The following RPN2 variants were observed in gnomAD, a reference collection of about 807,000 sequenced individuals.
RPN2 encodes ribophorin II.
A neutral mutation model predicts 71.4 loss-of-function variants in RPN2; 29 were observed. The observed-to-expected ratio is 0.41, with a 90% CI of 0.30 to 0.55. RPN2 has a LOEUF of 0.55. RPN2 is among the 20% of genes least tolerant of loss of function. RPN2 has a pLI of 0.35. For missense variants in RPN2, 726 were observed against 774.1 expected, an observed-to-expected ratio of 0.94 and a Z score of 0.74; for synonymous variants, 308 against 305.0, an observed-to-expected ratio of 1.01 and a Z score of -0.10.
chr20:37,198,606 T>G (rs1421261377), intron 3 of RPN2, 114 bp downstream of exon 3: 7 of 1,497,174 alleles, frequency 4.7e-6, no homozygotes, highest in Non-Finnish European at 4.5e-6. Context: ...TTATTGTGAG[T>G]GGGAATTCCA....
intron 2 of RPN2, among the ~76,000 whole-genome samples, chr20:37,188,821 C>T (rs1288000013): frequency 2.0e-5 from 3 of 151,186 alleles, no homozygotes; most frequent in African/African-American, 4.9e-5. Flanking sequence ...GACGGTGTTG[C>T]CATGTTGCCC....
intron 16 of RPN2, among the ~76,000 whole-genome samples, chr20:37,240,812 G>A (rs2068531003): frequency 6.6e-6 from 1 of 152,164 alleles, no homozygotes; most frequent in South Asian, 2.1e-4. Context: ...GCAAGAACAC[G>A]GCCACACGGC....
intron 9 of RPN2, 91 bp downstream of exon 9, chr20:37,213,956 T>G (rs932537238): frequency 2.1e-6 from 2 of 963,232 alleles, no homozygotes; most frequent in African/African-American, 3.2e-5. Flanking sequence ...GTGCATTGAC[T>G]TTTCTCTACA....
At chr20:37,217,313 AAAC>A (rs1214331557) in intron 9 of RPN2, among the ~76,000 whole-genome samples, 35 of 148,240 alleles carry the variant, frequency 2.4e-4, no homozygotes, top group Non-Finnish European at 4.0e-4. Flanking sequence ...TTTTTTTTTG[AAAC>A]AGAGTCTCGC....
intron 2 of RPN2, among the ~76,000 whole-genome samples, chr20:37,190,202 A>G (rs2067111416): frequency 6.6e-6 from 1 of 152,146 alleles, no homozygotes; most frequent in Non-Finnish European, 1.5e-5. Context: ...TTGGAGTTCT[A>G]TAGGAGATTT....
chr20:37,215,738 T>C (rs929525259), intron 9 of RPN2, among the ~76,000 whole-genome samples: 2 of 152,214 alleles, frequency 1.3e-5, no homozygotes, highest in South Asian at 4.1e-4. Context: ...TTCTCCATAT[T>C]CGTACCAATA....
At chr20:37,189,981 A>T (rs1054899479) in intron 2 of RPN2, among the ~76,000 whole-genome samples, 1 of 152,200 alleles carries the variant, frequency 6.6e-6, no homozygotes, top group Non-Finnish European at 1.5e-5. Context: ...AGAGAGAAAG[A>T]GCAAATTGAC....
Position 37,183,455 on chromosome 20 carries a change from T to C in RPN2, c.14-725T>C, listed in dbSNP as rs554382405. Among the ~76,000 whole-genome samples the C allele has an allele frequency of 3.3e-5, 5 of 152,264 alleles. No homozygotes were observed. In the East Asian group the frequency reaches 7.7e-4, roughly 24 times the overall value. On this transcript the variant is annotated intron_variant, in intron 1 of 16. Coordinates refer to ENST00000237530, the MANE Select transcript of RPN2 (RefSeq NM_002951.5). ...CTGGCCTCAAATTCCTGACCTCAGGTGATCCACCTGCCTCGGCCTCCCAAA... is the reference window on the plus strand; with the variant it reads ...CTGGCCTCAAATTCCTGACCTCAGGCGATCCACCTGCCTCGGCCTCCCAAA...
At chr20:37,231,800 G>C (rs909871) in intron 13 of RPN2, among the ~76,000 whole-genome samples, 1 of 151,424 alleles carries the variant, frequency 6.6e-6, no homozygotes, top group Non-Finnish European at 1.5e-5. Context: ...TGAATTATGG[G>C]TGGAAAGATC....
At chr20:37,205,948 C>T (rs962758290) in intron 6 of RPN2, among the ~76,000 whole-genome samples, 2 of 152,156 alleles carry the variant, frequency 1.3e-5, no homozygotes, top group African/African-American at 2.4e-5. Context: ...GGAGTAATTT[C>T]GCTGTCACTG....
At chr20:37,237,431 C>G (rs113933117) in intron 16 of RPN2, among the ~76,000 whole-genome samples, 3,256 of 152,290 alleles carry the variant, frequency 0.021, 53 homozygotes, top group Middle Eastern at 0.034. Flanking sequence ...CTCTGGAAAT[C>G]GTTTTCAGAT....
chr20:37,211,573 G>A (rs1194545694), intron 8 of RPN2, among the ~76,000 whole-genome samples: 4 of 150,896 alleles, frequency 2.7e-5, no homozygotes, highest in African/African-American at 9.7e-5. Context: ...CCCAGGCAGC[G>A]GAGGTTGGCA....
intron 9 of RPN2, among the ~76,000 whole-genome samples, chr20:37,217,773 G>A (rs906592306): frequency 6.6e-6 from 1 of 151,510 alleles, no homozygotes; most frequent in Non-Finnish European, 1.5e-5. Flanking sequence ...TGTCACCCAG[G>A]CTGGAGTGCA....
intron 3 of RPN2, among the ~76,000 whole-genome samples, chr20:37,198,765 G>A (rs376776485): frequency 5.3e-5 from 8 of 151,918 alleles, no homozygotes; most frequent in African/African-American, 7.2e-5. Flanking sequence ...CCTTTAACAC[G>A]TAAAAATGTT....
At chr20:37,235,537 C>T (rs1268902911) in intron 15 of RPN2, among the ~76,000 whole-genome samples, 2 of 152,216 alleles carry the variant, frequency 1.3e-5, no homozygotes, top group African/African-American at 4.8e-5. Context: ...AGCCTTCTTC[C>T]TGAGTCCTCC....
chr20:37,208,689 G>C (rs6104064), intron 7 of RPN2, among the ~76,000 whole-genome samples: 124,652 of 152,218 alleles, frequency 0.82, 51,736 homozygotes, highest in Middle Eastern at 0.93. Flanking sequence ...GTGTTAACTC[G>C]TTGAACAGAG....
At chr20:37,224,036 C>T in intron 10 of RPN2, 67 bp downstream of exon 10, 2 of 1,339,198 alleles carry the variant, frequency 1.5e-6, no homozygotes, top group Non-Finnish European at 2.1e-6. Flanking sequence ...TATGCCTAGG[C>T]ACTGAGCCCT....
chr20:37,199,708 T>A (rs1230635410), intron 4 of RPN2, among the ~76,000 whole-genome samples: 1 of 152,174 alleles, frequency 6.6e-6, no homozygotes, highest in African/African-American at 2.4e-5. Context: ...ATTCTAGGAA[T>A]CAGACTCTAC....
chr20:37,185,878 A>G (rs1271511715), intron 2 of RPN2, among the ~76,000 whole-genome samples: 1 of 152,198 alleles, frequency 6.6e-6, no homozygotes, highest in Admixed American at 6.5e-5. Context: ...AAGTGAAGGC[A>G]TTGGCCAAAC....
Sources: gnomAD v4.1 joint callset for allele counts (sites outside exome capture counted in the v4.1 genomes callset) on GRCh38, gnomAD v4.1.1 for gene constraint, MANE v1.5 for transcripts, NCBI Gene and HGNC (gene_info 2026-07-23, HGNC 2026-07-21) for gene names.